ACSM3: variants seen among roughly 807,000 people sequenced by gnomAD.
ACSM3 encodes the protein acyl-coenzyme A synthetase ACSM3, mitochondrial.
ACSM3 carries 61 observed loss-of-function variants against 74.1 expected under a neutral mutation model. The observed-to-expected ratio is 0.82, with a 90% CI of 0.67 to 1.02. ACSM3 has a LOEUF of 1.02. Among genes scored for constraint, ACSM3 ranks in the 50% least tolerant of loss-of-function variants. The pLI, the probability that ACSM3 is intolerant of heterozygous loss-of-function variation, is 0.00. For missense variants in ACSM3, 660 were observed against 697.0 expected, an observed-to-expected ratio of 0.95 and a Z score of 0.60; for synonymous variants, 213 against 241.5, an observed-to-expected ratio of 0.88 and a Z score of 1.09.
chr16:20,780,374 T>A, intron 4 of ACSM3: 4 of 443,470 alleles, frequency 9.0e-6, no homozygotes, highest in Non-Finnish European at 1.6e-5. Context: ...AAATTCTTCC[T>A]TATCCATGAT....
At chr16:20,719,264 G>T in intron 1 of ACSM3, 1 of 217,650 alleles carries the variant, frequency 4.6e-6, no homozygotes, top group South Asian at 9.2e-5. Context: ...ATAGCATATG[G>T]AATGTGTCTG....
intron 1 of ACSM3, among the ~76,000 whole-genome samples, chr16:20,702,152 CCCA>C (rs1248652664): frequency 1.3e-5 from 2 of 152,192 alleles, no homozygotes; most frequent in Non-Finnish European, 2.9e-5. Context: ...AATTTACACT[CCCA>C]CCAACAGTGT....
chr16:20,709,040 A>C (rs1427624811), intron 1 of ACSM3, among the ~76,000 whole-genome samples: 1 of 152,270 alleles, frequency 6.6e-6, no homozygotes, highest in Non-Finnish European at 1.5e-5. Context: ...AGTCTTTTTA[A>C]TAAATGGTGC....
rs565994827 is a variant in ACSM3 at position 20,786,387 on chromosome 16, G to A, written c.1224+229G>A. ...ATACAGTTCTAAGCATTTAATAAAC[G>A]TTAACCCATTAGGCTGGATGCAGTG... is the stretch of plus-strand genomic sequence containing the variant. On this transcript the variant is annotated intron_variant, in intron 9 of 13. Transcript: ENST00000289416. 4.3e-5 allele frequency: 38 copies of A among 879,640 alleles called. No individual in the cohort carries two copies. The East Asian group carries it at 9.3e-4, about 21-fold the overall frequency. 54.5% of individuals were successfully genotyped at this position (879,640 alleles called of 1,614,324 possible).
intron 3 of ACSM3, 65 bp downstream of exon 3, chr16:20,776,114 C>A: frequency 6.6e-7 from 1 of 1,507,452 alleles, no homozygotes; most frequent in Non-Finnish European, 9.2e-7. Flanking sequence ...TCCAGAACAC[C>A]TAAGTAATCA....
At chr16:20,784,834 T>C (rs1052842566) in intron 7 of ACSM3, 150 bp from the exon 8 acceptor site, 1 of 676,316 alleles carries the variant, frequency 1.5e-6, no homozygotes, top group Non-Finnish European at 2.3e-6. Context: ...GTTGTATATG[T>C]TTATGGGGTA....
At chr16:20,694,907 T>C (rs955423179) in intron 1 of ACSM3, among the ~76,000 whole-genome samples, 2 of 152,126 alleles carry the variant, frequency 1.3e-5, no homozygotes, top group Non-Finnish European at 2.9e-5. Context: ...CATGTGAATA[T>C]GAAGATAGCC....
intron 1 of ACSM3, among the ~76,000 whole-genome samples, chr16:20,676,344 C>G (rs796473392): frequency 6.6e-6 from 1 of 152,110 alleles, no homozygotes; most frequent in Admixed American, 6.6e-5. Flanking sequence ...AAAAAGGCAA[C>G]CAATATAAAA....
intron 3 of ACSM3, among the ~76,000 whole-genome samples, chr16:20,758,936 G>A (rs1046470096): frequency 4.0e-5 from 6 of 151,782 alleles, no homozygotes; most frequent in Non-Finnish European, 5.9e-5. Flanking sequence ...GTAGTTGAGC[G>A]GTTTTGAGTG....
chr16:20,766,387 C>T (rs1361463814), intron 1 of ACSM3, among the ~76,000 whole-genome samples: 1 of 150,636 alleles, frequency 6.6e-6, no homozygotes, highest in East Asian at 2.0e-4. Flanking sequence ...AGTGTGGTGG[C>T]TCCCACCTGT....
rs746618856 is a variant in ACSM3, at chr16:20,711,527, G to A, written c.-190+36705G>A. The A allele has an allele frequency of 2.4e-4, 342 of 1,421,838 alleles. 2 individuals are homozygous for A. The highest frequency in any genetic ancestry group is 4.0e-4 in the Admixed American group (21 of 52,370). 88.1% of individuals were successfully genotyped at this position (1,421,838 alleles called of 1,614,324 possible). On this transcript the variant is annotated intron_variant, in intron 1 of 3. Transcript: ENST00000561584. ...CTGACAGCAAAATATATCCTCTACC[G>A]GCTGCAAGCATCCAAGGCCAAGTGC...
intron 12 of ACSM3, among the ~76,000 whole-genome samples, chr16:20,794,833 A>G (rs1370316411): frequency 6.6e-6 from 1 of 152,216 alleles, no homozygotes; most frequent in East Asian, 1.9e-4. Context: ...ACTTGAACCC[A>G]GCTGTTCTGA....
intron 1 of ACSM3, among the ~76,000 whole-genome samples, chr16:20,708,157 C>A (rs1413362383): frequency 6.6e-6 from 1 of 151,970 alleles, no homozygotes; most frequent in Non-Finnish European, 1.5e-5. Flanking sequence ...AAAAATTAGC[C>A]AGGTGTGGTG....
intron 1 of ACSM3, among the ~76,000 whole-genome samples, chr16:20,744,086 G>T (rs182300050): frequency 6.6e-6 from 1 of 152,014 alleles, no homozygotes; most frequent in East Asian, 1.9e-4. Context: ...AAATTCAACC[G>T]GCCCAACACA....
In ACSM3 at chr16:20,747,261, G is replaced by A. The variant is rs116229095; in HGVS notation, c.-189-2649G>A. On this transcript the variant is annotated intron_variant, in intron 1 of 3. Transcript: ENST00000561584. ...AAGTTTTTCTTCTCTTTCAGCTTCC[G>A]CCTTCCCCCTTATCATTCTCATAAT... is the stretch of plus-strand genomic sequence containing the variant. 2.5e-3 allele frequency among the ~76,000 whole-genome samples: 385 copies of A among 152,184 alleles called. 1 individual carries two copies. The highest frequency in any genetic ancestry group is 8.8e-3 in the African/African-American group (365 of 41,502).
At chr16:20,701,956 G>T (rs1177383635) in intron 1 of ACSM3, among the ~76,000 whole-genome samples, 1 of 152,160 alleles carries the variant, frequency 6.6e-6, no homozygotes, top group East Asian at 1.9e-4. Flanking sequence ...TGGGCATTCT[G>T]GTTGGTTCCA....
intron 1 of ACSM3, among the ~76,000 whole-genome samples, chr16:20,708,469 AGT>A (rs35001435): frequency 2.4e-4 from 36 of 152,364 alleles, no homozygotes; most frequent in Admixed American, 2.2e-3. Flanking sequence ...AAAAATTAAT[AGT>A]GTTTCTATAC....
intron 1 of ACSM3, among the ~76,000 whole-genome samples, chr16:20,715,458 G>T (rs201861278): frequency 1.3e-5 from 2 of 152,156 alleles, no homozygotes; most frequent in African/African-American, 4.8e-5. Context: ...ACAAAAATTA[G>T]CCATGTGTGG....
At chr16:20,758,345 T>C (rs985843045) in intron 3 of ACSM3, among the ~76,000 whole-genome samples, 3 of 152,242 alleles carry the variant, frequency 2.0e-5, no homozygotes, top group African/African-American at 7.2e-5. Flanking sequence ...ATTCAACTTC[T>C]TCCTGGTTTA....
Sources: gnomAD v4.1 joint callset for allele counts (sites outside exome capture counted in the v4.1 genomes callset) on GRCh38, gnomAD v4.1.1 for gene constraint, MANE v1.5 for transcripts, NCBI Gene and HGNC (gene_info 2026-07-23, HGNC 2026-07-21) for gene names.